HDLBP: variants seen among roughly 807,000 people sequenced by gnomAD.
HDLBP encodes the protein vigilin.
In HDLBP, 30 loss-of-function variants were observed where a neutral mutation model predicts 137.3. That is an observed-to-expected ratio of 0.22 (90% confidence interval 0.16 to 0.30). HDLBP has a LOEUF of 0.30. Among genes scored for constraint, HDLBP ranks in the 10% least tolerant of loss-of-function variants. HDLBP has a pLI of 1.00. For synonymous variants in HDLBP, 606 were observed against 596.0 expected, an observed-to-expected ratio of 1.02 and a Z score of -0.24; for missense variants, 1,119 against 1,667.3, an observed-to-expected ratio of 0.67 and a Z score of 5.73.
rs770732430 is a variant in HDLBP at position 241,230,898 on chromosome 2, G to A, written c.3335C>T (p.Ala1112Val). 2 of 1,614,198 alleles carry A rather than the reference G, an allele frequency of 1.2e-6. No homozygotes were observed. The highest frequency in any genetic ancestry group is 8.5e-7 in the Non-Finnish European group (1 of 1,180,010). ...AATTCTCAGTATAGCATCCCTGGCA[G>A]CTTCTGTGTTCTTTTCGTACCCTGT... The part of the protein sequence containing the change: ...TITGYEKNTE[A>V]ARDAILRIVG... The change falls in exon 25 of 28, where the codon GCT (alanine) becomes GTT (valine). Residue 1112 changes from alanine (A) to valine (V), a missense_variant. Ala to Val is a moderately conservative substitution (Grantham distance 64, BLOSUM62 0). This residue lies in a region of HDLBP where 618 missense variants were observed against 816.7 expected (regional missense o/e 0.76). Coordinates refer to ENST00000310931, the MANE Select transcript of HDLBP (RefSeq NM_005336.6). The surrounding 1 kb of genome is among the most constrained non-coding windows in gnomAD (Gnocchi z 5.0).
intron 20 of HDLBP, among the ~76,000 whole-genome samples, chr2:241,237,718 A>C (rs1005279514): frequency 8.1e-6 from 1 of 122,846 alleles, no homozygotes; most frequent in Non-Finnish European, 1.7e-5. Context: ...AATGACATTC[A>C]GAAAAAAAAC....
chr2:241,290,312 C>A (rs2074970496), intron 1 of HDLBP, among the ~76,000 whole-genome samples: 1 of 152,020 alleles, frequency 6.6e-6, no homozygotes, highest in Admixed American at 6.6e-5. Flanking sequence ...TGTTTTAGAA[C>A]CATAAACATC....
intron 1 of HDLBP, among the ~76,000 whole-genome samples, chr2:241,291,982 T>C (rs1265990090): frequency 6.6e-6 from 1 of 152,200 alleles, no homozygotes; most frequent in Non-Finnish European, 1.5e-5. Flanking sequence ...GTGTTGTAAT[T>C]TGGTACAGCA....
intron 9 of HDLBP, among the ~76,000 whole-genome samples, chr2:241,253,843 G>C (rs1460334785): frequency 6.6e-6 from 1 of 152,220 alleles, no homozygotes; most frequent in African/African-American, 2.4e-5. Flanking sequence ...GAATGAGACA[G>C]AGCACGGATG....
chr2:241,291,996 A>G (rs2075026954), intron 1 of HDLBP, among the ~76,000 whole-genome samples: 1 of 152,220 alleles, frequency 6.6e-6, no homozygotes, highest in South Asian at 2.1e-4. Context: ...TACAGCAGCA[A>G]TAGGAAAGTA....
At chr2:241,236,417 T>G (rs2070448647) in intron 21 of HDLBP, 198 bp downstream of exon 21, 1 of 605,548 alleles carries the variant, frequency 1.7e-6, no homozygotes, top group African/African-American at 1.9e-5. Context: ...CCCCGAGCCT[T>G]GGTGAAGGGA....
chr2:241,255,381 T>C lies in HDLBP; in HGVS notation c.1073A>G (p.Tyr358Cys), dbSNP rs761890384. The C allele has an allele frequency of 6.2e-6, 10 of 1,613,880 alleles. No homozygotes were observed. Among genetic ancestry groups the C allele is most frequent in the Middle Eastern group, 1.6e-4 (1 of 6,076 alleles). The change falls in exon 8 of 28, where the codon TAT (tyrosine) becomes TGT (cysteine). Residue 358 changes from tyrosine to cysteine, a missense_variant. Around this residue, in one of 4 missense-constraint regions of HDLBP, gnomAD observed 425 missense variants for 693.9 expected, o/e 0.61. Coordinates refer to ENST00000310931, the MANE Select transcript of HDLBP (RefSeq NM_005336.6). The part of the protein sequence containing the change: ...EKLGQALTEV[Y>C]AKANSFTVSS... ...ATGCTCGGAGGCAGTTACCTTGGCA[T>C]AGACTTCAGTCAACGCCTGACCTAA...
chr2:241,272,205 C>CG lies in HDLBP; in HGVS notation c.-102-3665dup, dbSNP rs1159945052. On this transcript the variant is annotated intron_variant, in intron 1 of 27. Transcript: ENST00000310931. The surrounding 1 kb of genome is among the most constrained non-coding windows in gnomAD (Gnocchi z 5.6). ...CCCCGCGCGGCAGGTGGAGGTGCTG[C>CG]GGGGGCCCCGCCGCCCGGTCTGCGC... 1 of 983,926 alleles carries CG rather than the reference C, an allele frequency of 1.0e-6. No homozygotes were observed. 60.9% of individuals were successfully genotyped at this position (983,926 alleles called of 1,614,324 possible).
At position 241,230,891 on chromosome 2, in the gene HDLBP, C is replaced by G. The variant is rs1454369072; in HGVS notation, c.3342G>C (p.Arg1114Ser). The G allele has an allele frequency of 3.7e-6, 6 of 1,614,046 alleles. No homozygotes were observed. The highest frequency in any genetic ancestry group is 1.7e-5 in the Admixed American group (1 of 60,000). ...TGYEKNTEAA[R>S]DAILRIVGEL... is the part of the protein sequence containing the mutation. ...CACCCACAATTCTCAGTATAGCATC[C>G]CTGGCAGCTTCTGTGTTCTTTTCGT... Residue 1114 changes from arginine to serine, a missense_variant, in exon 25 of 28, where the codon AGG becomes AGC. Coordinates refer to ENST00000310931, the MANE Select transcript of HDLBP (RefSeq NM_005336.6). The surrounding 1 kb of genome is among the most constrained non-coding windows in gnomAD (Gnocchi z 5.0).
intron 2 of HDLBP, chr2:241,267,861 G>A (rs1163493097): frequency 6.2e-5 from 61 of 985,338 alleles, no homozygotes; most frequent in African/African-American, 7.0e-5. Flanking sequence ...CCTGGCCCAA[G>A]GGCGCTGAGT....
intron 1 of HDLBP, among the ~76,000 whole-genome samples, chr2:241,273,850 G>C (rs373684192): frequency 4.1e-5 from 6 of 145,498 alleles, no homozygotes; most frequent in Non-Finnish European, 7.4e-5. Context: ...AGGATCAGAC[G>C]TGTTTTTTTT....
At chr2:241,297,138 G>A (rs114958921) in intron 1 of HDLBP, among the ~76,000 whole-genome samples, 3,086 of 152,198 alleles carry the variant, frequency 0.02, 48 homozygotes, top group Middle Eastern at 0.12. Flanking sequence ...CTGGGGATAC[G>A]GGCTTCCACA....
intron 5 of HDLBP, among the ~76,000 whole-genome samples, chr2:241,261,452 G>C (rs930770895): frequency 6.6e-6 from 1 of 152,090 alleles, no homozygotes; most frequent in Non-Finnish European, 1.5e-5. Flanking sequence ...CATGAAAACG[G>C]GAAGATCTGA....
At chr2:241,241,316 C>A (rs1240724715) in intron 17 of HDLBP, among the ~76,000 whole-genome samples, 1 of 152,046 alleles carries the variant, frequency 6.6e-6, no homozygotes, top group African/African-American at 2.4e-5. Context: ...GCCTGTAATC[C>A]CAGCACTTTG....
In HDLBP at chr2:241,239,502, G is replaced by C. The variant is rs2070983026; in HGVS notation, c.2610+100C>G. Reference sequence around the variant, plus strand: ...TCTGAAGCCTTCCAGGGCTGTATGAGGGAGTCACCTCCCTACAGGGTGGAG... The same window carrying C: ...TCTGAAGCCTTCCAGGGCTGTATGACGGAGTCACCTCCCTACAGGGTGGAG... On this transcript the variant is annotated intron_variant, in intron 19 of 27. Transcript: ENST00000310931. The surrounding 1 kb of genome is among the most constrained non-coding windows in gnomAD (Gnocchi z 4.6). 3 of 947,372 alleles carry C rather than the reference G, an allele frequency of 3.2e-6. No homozygotes were observed. Among genetic ancestry groups the C allele is most frequent in the Admixed American group, 3.8e-5 (2 of 52,072 alleles). 58.7% of individuals were successfully genotyped at this position (947,372 alleles called of 1,614,324 possible).
At chr2:241,235,336 G>A (rs1464878417) in intron 22 of HDLBP, 81 bp from the exon 23 acceptor site, 1 of 1,588,286 alleles carries the variant, frequency 6.3e-7, no homozygotes, top group African/African-American at 1.3e-5. Flanking sequence ...CCCAGAAGTG[G>A]TGAGAGGGAA....
At position 241,236,716 on chromosome 2, in the gene HDLBP, T is replaced by C. The variant is rs750756203; in HGVS notation, c.2803A>G (p.Arg935Gly). 27 of 1,613,714 alleles carry C rather than the reference T, an allele frequency of 1.7e-5. No individual in the cohort carries two copies. The highest frequency in any genetic ancestry group is 2.2e-5 in the East Asian group (1 of 44,872). ...CCGGGGTCACAATCTTTAGCCTCTCTCCCCTCCCCAGCTTCGTCCCCATTC... is the reference window on the plus strand; with the variant it reads ...CCGGGGTCACAATCTTTAGCCTCTCCCCCCTCCCCAGCTTCGTCCCCATTC... ...QENGDEAGEGREAKDCDPGSP... is the reference protein window; with the variant it reads ...QENGDEAGEGGEAKDCDPGSP... The change falls in exon 21 of 28, where the codon AGA becomes GGA. Residue 935 changes from arginine to glycine, a missense_variant. Transcript: ENST00000310931.
intron 11 of HDLBP, 60 bp from the exon 12 acceptor site, chr2:241,250,040 A>G (rs1207384117): frequency 6.6e-7 from 1 of 1,519,214 alleles, no homozygotes; most frequent in Non-Finnish European, 8.9e-7. Flanking sequence ...TGCCAATGAC[A>G]TAACTGGGCA....
In HDLBP at chr2:241,228,046, A is replaced by G. The variant is rs1380165910; in HGVS notation, c.*1555T>C. On this transcript the variant is annotated 3_prime_UTR_variant, in exon 28 of 28. Coordinates refer to ENST00000310931, the MANE Select transcript of HDLBP (RefSeq NM_005336.6). ...GGCAGCTGCAACTAGACTTGGGCTA[A>G]GCCGTCTGGGTCTACTCAAGAATTC... 1.3e-5 allele frequency: 2 copies of G among 152,274 alleles called. No individual in the cohort carries two copies. The highest frequency in any genetic ancestry group is 2.9e-5 in the Non-Finnish European group (2 of 68,060). 9.4% of individuals were successfully genotyped at this position (152,274 alleles called of 1,614,324 possible).
Sources: allele counts gnomAD v4.1 joint callset (sites outside exome capture counted in the v4.1 genomes callset), GRCh38; gene constraint gnomAD v4.1.1; regional missense constraint gnomAD v4.1.1; non-coding constraint Gnocchi (gnomAD v3.1); transcripts MANE v1.5; gene names NCBI Gene and HGNC (gene_info 2026-07-23, HGNC 2026-07-21).